RBFOX1: variants seen among roughly 807,000 people sequenced by gnomAD.
The protein encoded by RBFOX1 is RNA binding protein fox-1 homolog 1.
Under a neutral mutation model 57.7 loss-of-function variants are expected in RBFOX1, and 8 were observed. That is an observed-to-expected ratio of 0.14 (90% CI 0.08 to 0.25). RBFOX1 has a LOEUF of 0.25. RBFOX1 is among the 10% of genes least tolerant of loss of function. The pLI is 1.00. For missense variants in RBFOX1, 611 were observed against 548.5 expected (o/e 1.11, Z -1.14); for synonymous variants, 326 against 222.4 (o/e 1.47, Z -4.15).
intron 4 of RBFOX1, among the ~76,000 whole-genome samples, chr16:7,325,689 C>T (rs945081870): frequency 3.3e-5 from 5 of 152,068 alleles, no homozygotes; most frequent in Non-Finnish European, 7.4e-5. Flanking sequence ...CTGGTGTATC[C>T]TGTCCACAGT....
At chr16:6,273,605 CA>C (rs1005320995) in intron 1 of RBFOX1, among the ~76,000 whole-genome samples, 3 of 152,142 alleles carry the variant, frequency 2.0e-5, no homozygotes, top group African/African-American at 7.2e-5. Flanking sequence ...CTCGGCCCCC[CA>C]AAGTGCTGGG....
chr16:5,486,984 C>T (rs1010704245), intron 2 of RBFOX1, among the ~76,000 whole-genome samples: 1 of 152,086 alleles, frequency 6.6e-6, no homozygotes, highest in Non-Finnish European at 1.5e-5. Flanking sequence ...CCTGTAATAC[C>T]CCCAGGCCTT....
chr16:5,694,191 C>T (rs985607816), intron 3 of RBFOX1, among the ~76,000 whole-genome samples: 4 of 152,202 alleles, frequency 2.6e-5, no homozygotes, highest in African/African-American at 9.6e-5. Context: ...GCATTTTTCA[C>T]AGCCTAACTG....
chr16:6,339,442 G>T (rs887885637), intron 2 of RBFOX1, among the ~76,000 whole-genome samples: 10 of 152,146 alleles, frequency 6.6e-5, no homozygotes, highest in African/African-American at 2.4e-4. Context: ...TCCATCTCCC[G>T]GAGGAGCTGA....
intron 5 of RBFOX1, among the ~76,000 whole-genome samples, chr16:7,575,916 C>T (rs933351571): frequency 3.3e-5 from 5 of 151,954 alleles, no homozygotes; most frequent in Non-Finnish European, 7.4e-5. Context: ...ATCCTGTGAG[C>T]TTAGTACCAT....
chr16:6,729,721 C>T (rs557239330), intron 3 of RBFOX1, among the ~76,000 whole-genome samples: 1 of 152,230 alleles, frequency 6.6e-6, no homozygotes, highest in East Asian at 1.9e-4. Flanking sequence ...CATATGAAAG[C>T]AGAATTCCAC....
chr16:7,507,889 A>G (rs1412739511), intron 4 of RBFOX1, among the ~76,000 whole-genome samples: 4 of 151,522 alleles, frequency 2.6e-5, no homozygotes, highest in African/African-American at 9.7e-5. Flanking sequence ...AAAAGAATAC[A>G]TAAGGAGCTC....
At chr16:6,976,629 G>A (rs998323080) in intron 3 of RBFOX1, among the ~76,000 whole-genome samples, 3 of 150,722 alleles carry the variant, frequency 2.0e-5, no homozygotes, top group East Asian at 2.0e-4. Context: ...GAGGAAGAAC[G>A]CATCCACCCT....
chr16:7,178,274 C>G (rs1464437091), intron 4 of RBFOX1, among the ~76,000 whole-genome samples: 1 of 152,238 alleles, frequency 6.6e-6, no homozygotes, highest in East Asian at 1.9e-4. Flanking sequence ...GCTTTAGTTT[C>G]TGCAACACAC....
At chr16:6,490,496 C>A (rs2095607805) in intron 2 of RBFOX1, among the ~76,000 whole-genome samples, 1 of 152,192 alleles carries the variant, frequency 6.6e-6, no homozygotes, top group African/African-American at 2.4e-5. Context: ...ACCAGCTGTC[C>A]TCAGCTTACC....
rs182993528 is a variant in RBFOX1, at chr16:7,712,709, A to G, written c.*1964A>G. 395 of 152,314 alleles carry G rather than the reference A, an allele frequency of 2.6e-3. 3 individuals are homozygous for G. Among genetic ancestry groups the G allele is most frequent in the African/African-American group, 9.1e-3 (380 of 41,566 alleles). The allele number at this position is 152,314 out of a possible 1,614,324, so 9.4% of individuals were successfully genotyped here. A position where few individuals can be genotyped will look rare whatever the true frequency, so the allele number is the denominator to read the frequency against. On this transcript the variant is annotated 3_prime_UTR_variant, in exon 16 of 16. Transcript: ENST00000550418. The stretch of plus-strand genomic sequence containing the variant: ...CCACCTGGAAAACAGTGTTATGGCA[A>G]TGGGTGCCTGGTTGATGTTCTTAAA...
chr16:6,317,631 T>C (rs1449060435), intron 2 of RBFOX1, among the ~76,000 whole-genome samples: 3 of 152,184 alleles, frequency 2.0e-5, no homozygotes, highest in South Asian at 4.1e-4. Context: ...TTTTCCACTT[T>C]CTGCCTTTCT....
intron 4 of RBFOX1, among the ~76,000 whole-genome samples, chr16:5,894,865 C>G (rs748257253): frequency 1.3e-5 from 2 of 149,874 alleles, no homozygotes; most frequent in African/African-American, 4.9e-5. Context: ...ACTAAAAATA[C>G]AAAAATATTA....
chr16:5,580,071 G>A (rs1485004624), intron 2 of RBFOX1, among the ~76,000 whole-genome samples: 7 of 152,040 alleles, frequency 4.6e-5, no homozygotes, highest in Admixed American at 3.3e-4. Context: ...GCGCCCAGCT[G>A]GCAGTTAATT....
intron 2 of RBFOX1, among the ~76,000 whole-genome samples, chr16:5,588,888 C>A (rs1192743107): frequency 6.6e-6 from 1 of 152,062 alleles, no homozygotes; most frequent in Non-Finnish European, 1.5e-5. Context: ...TTGAGAGGTA[C>A]AATTGGGTGG....
chr16:5,591,457 G>A (rs1361982604), intron 2 of RBFOX1, among the ~76,000 whole-genome samples: 3 of 152,006 alleles, frequency 2.0e-5, no homozygotes, highest in Admixed American at 2.0e-4. Flanking sequence ...CACCATGTTG[G>A]CCAGGTTGGT....
At chr16:5,513,930 TAGAA>T (rs1346896911) in intron 2 of RBFOX1, among the ~76,000 whole-genome samples, 5 of 152,100 alleles carry the variant, frequency 3.3e-5, no homozygotes, top group African/African-American at 7.2e-5. Flanking sequence ...TTTAAGAAGA[TAGAA>T]TGAATGAAAT....
At chr16:6,821,764 T>C (rs908962416) in intron 3 of RBFOX1, among the ~76,000 whole-genome samples, 3 of 152,236 alleles carry the variant, frequency 2.0e-5, no homozygotes, top group Non-Finnish European at 4.4e-5. Context: ...AATGAACCAA[T>C]TTTTTCATTG....
At chr16:7,155,933 T>A (rs2077024463) in intron 4 of RBFOX1, among the ~76,000 whole-genome samples, 1 of 151,734 alleles carries the variant, frequency 6.6e-6, no homozygotes, top group South Asian at 2.1e-4. Context: ...CTATACCCCA[T>A]TAAAAACTGA....
Sources: gnomAD v4.1 joint callset for allele counts (sites outside exome capture counted in the v4.1 genomes callset) on GRCh38, gnomAD v4.1.1 for gene constraint, MANE v1.5 for transcripts, NCBI Gene and HGNC (gene_info 2026-07-23, HGNC 2026-07-21) for gene names.